NTM: variants seen among roughly 807,000 people sequenced by gnomAD.
NTM encodes IgLON family member 2.
In NTM, 13 loss-of-function variants were observed where a neutral mutation model predicts 42.1. The observed-to-expected ratio is 0.31, with a 90% CI of 0.20 to 0.49. The LOEUF is 0.49. Ranked by LOEUF, NTM falls within the 20% of genes least tolerant of loss-of-function variation. NTM has a pLI of 0.99. For synonymous variants in NTM, 187 were observed against 179.2 expected, an observed-to-expected ratio of 1.04 and a Z score of -0.35; for missense variants, 373 against 452.8, an observed-to-expected ratio of 0.82 and a Z score of 1.60.
intron 3 of NTM, among the ~76,000 whole-genome samples, chr11:132,203,523 A>G (rs963760020): frequency 6.6e-6 from 1 of 152,158 alleles, no homozygotes; most frequent in South Asian, 2.1e-4. Flanking sequence ...TTTTTTATCA[A>G]AAGAGACCTT....
chr11:131,698,717 G>A (rs752087707), intron 1 of NTM, among the ~76,000 whole-genome samples: 5 of 152,212 alleles, frequency 3.3e-5, no homozygotes, highest in South Asian at 4.1e-4. Flanking sequence ...CAGAACCAGC[G>A]CCCTCCGTCC....
intron 1 of NTM, among the ~76,000 whole-genome samples, chr11:131,664,753 G>GTTTTTTTTTTTT (rs199824869): frequency 2.7e-5 from 3 of 112,914 alleles, no homozygotes; most frequent in African/African-American, 1.0e-4. Context: ...CTCTTCCATT[G>GTTTTTTTTTTTT]TTTTTTTTTT....
At chr11:132,272,246 C>T (rs2093515991) in intron 4 of NTM, among the ~76,000 whole-genome samples, 1 of 152,008 alleles carries the variant, frequency 6.6e-6, no homozygotes, top group Non-Finnish European at 1.5e-5. Flanking sequence ...ATGTATTTCT[C>T]CTTATGCCAG....
intron 1 of NTM, among the ~76,000 whole-genome samples, chr11:131,473,044 A>G (rs1011142234): frequency 5.9e-5 from 9 of 152,188 alleles, no homozygotes; most frequent in African/African-American, 2.2e-4. Flanking sequence ...ATAATAGCCA[A>G]TATTTCCAGG....
intron 1 of NTM, chr11:131,540,900 A>G (rs180967135): frequency 6.6e-6 from 1 of 152,336 alleles, no homozygotes; most frequent in East Asian, 1.9e-4. Flanking sequence ...CTTTCCCAAG[A>G]TAATGGGATT....
At chr11:132,176,236 G>T (rs2076787534) in intron 3 of NTM, among the ~76,000 whole-genome samples, 1 of 152,102 alleles carries the variant, frequency 6.6e-6, no homozygotes, top group Non-Finnish European at 1.5e-5. Flanking sequence ...GGGACAGGTA[G>T]TCAGATACAG....
chr11:132,256,036 C>T (rs930047225), intron 4 of NTM, among the ~76,000 whole-genome samples: 1 of 152,218 alleles, frequency 6.6e-6, no homozygotes, highest in East Asian at 1.9e-4. Flanking sequence ...ACCTTCTCTT[C>T]TCTATCCCTG....
intron 1 of NTM, among the ~76,000 whole-genome samples, chr11:131,824,315 A>C (rs956616473): frequency 1.3e-5 from 2 of 152,288 alleles, no homozygotes; most frequent in African/African-American, 4.8e-5. Context: ...CAACTTCTAC[A>C]TAATTTGGCT....
At chr11:131,562,647 C>T (rs771861081) in intron 1 of NTM, among the ~76,000 whole-genome samples, 3 of 152,160 alleles carry the variant, frequency 2.0e-5, no homozygotes, top group African/African-American at 4.8e-5. Context: ...AATTCACTTT[C>T]GCTACTTTTC....
At chr11:132,161,076 A>G (rs755651913) in intron 3 of NTM, among the ~76,000 whole-genome samples, 14 of 152,160 alleles carry the variant, frequency 9.2e-5, no homozygotes, top group Admixed American at 3.9e-4. Context: ...TGCAGAGACC[A>G]AAGGACCTCC....
intron 1 of NTM, among the ~76,000 whole-genome samples, chr11:131,625,200 A>AT (rs1055579003): frequency 2.6e-5 from 4 of 152,102 alleles, no homozygotes; most frequent in Non-Finnish European, 4.4e-5. Context: ...AAGTGATCAC[A>AT]TTTTCTGGAG....
At chr11:132,192,100 T>G (rs559175462) in intron 3 of NTM, among the ~76,000 whole-genome samples, 3 of 152,208 alleles carry the variant, frequency 2.0e-5, no homozygotes, top group Admixed American at 1.3e-4. Flanking sequence ...TTTGAGGATA[T>G]AGTCCAAAAA....
intron 1 of NTM, among the ~76,000 whole-genome samples, chr11:131,500,815 A>C: frequency 7.3e-6 from 1 of 136,682 alleles, no homozygotes; most frequent in East Asian, 2.2e-4. Flanking sequence ...ATTCCCACCT[A>C]TGAGTGAGTG....
intron 1 of NTM, among the ~76,000 whole-genome samples, chr11:131,557,055 C>CTTTTTTTT (rs970811707): frequency 6.6e-6 from 1 of 151,944 alleles, no homozygotes; most frequent in African/African-American, 2.4e-5. Context: ...TGATTTGTAA[C>CTTTTTTTT]TTTTTTTCTT....
chr11:131,624,258 T>G (rs2062874966), intron 1 of NTM, among the ~76,000 whole-genome samples: 1 of 152,180 alleles, frequency 6.6e-6, no homozygotes, highest in African/African-American at 2.4e-5. Context: ...TTCCAGCACA[T>G]CATTCAGTGG....
intron 1 of NTM, among the ~76,000 whole-genome samples, chr11:131,683,229 G>T (rs745899273): frequency 1.3e-5 from 2 of 152,176 alleles, no homozygotes; most frequent in African/African-American, 4.8e-5. Flanking sequence ...ATCACTCTCC[G>T]CGCTTCAGCA....
intron 1 of NTM, among the ~76,000 whole-genome samples, chr11:131,580,482 G>A (rs903916268): frequency 2.6e-5 from 4 of 152,146 alleles, no homozygotes; most frequent in African/African-American, 9.7e-5. Context: ...GGATCTGTGA[G>A]GGAGAGAGAG....
At chr11:132,167,007 C>T (rs2075378350) in intron 3 of NTM, among the ~76,000 whole-genome samples, 2 of 152,180 alleles carry the variant, frequency 1.3e-5, no homozygotes, top group Admixed American at 1.3e-4. Flanking sequence ...TTAGACCTGA[C>T]TTTCCTCCTC....
intron 4 of NTM, among the ~76,000 whole-genome samples, chr11:132,249,384 A>G (rs1591527098): frequency 6.6e-6 from 1 of 151,772 alleles, no homozygotes; most frequent in African/African-American, 2.4e-5. Flanking sequence ...TGGAGAAAGA[A>G]CTCCCTGGAG....
Sources: gnomAD v4.1 joint callset for allele counts (sites outside exome capture counted in the v4.1 genomes callset) on GRCh38, gnomAD v4.1.1 for gene constraint, MANE v1.5 for transcripts, NCBI Gene and HGNC (gene_info 2026-07-23, HGNC 2026-07-21) for gene names.